Variants in ERCC1 observed in about 807,000 individuals in gnomAD.
The protein encoded by ERCC1 is DNA excision repair protein ERCC-1.
Under a neutral mutation model 37.6 loss-of-function variants are expected in ERCC1, and 36 were observed. That is an observed-to-expected ratio of 0.96 (90% confidence interval 0.73 to 1.26). The LOEUF is 1.26. Among genes scored for constraint, ERCC1 ranks in the 50% most tolerant of loss-of-function variants. The probability of loss-of-function intolerance (pLI) is 0.00; values close to 1 mark genes in which losing one functional copy is unlikely to be tolerated. For missense variants in ERCC1, 349 were observed against 376.5 expected, an observed-to-expected ratio of 0.93 and a Z score of 0.60; for synonymous variants, 156 against 162.1, an observed-to-expected ratio of 0.96 and a Z score of 0.28.
chr19:45,437,669 G>A (rs1975015476), intron 1 of ERCC1, among the ~76,000 whole-genome samples: 1 of 152,146 alleles, frequency 6.6e-6, no homozygotes, highest in Non-Finnish European at 1.5e-5. Context: ...CATAGAAACA[G>A]TATAAAGGTG....
At chr19:45,436,982 G>A (rs1189364830) in intron 1 of ERCC1, among the ~76,000 whole-genome samples, 1 of 152,138 alleles carries the variant, frequency 6.6e-6, no homozygotes, top group African/African-American at 2.4e-5. Flanking sequence ...GGGCATAGTG[G>A]CTCACGCGTG....
upstream of ERCC1, among the ~76,000 whole-genome samples, chr19:45,426,266 C>A (rs376328518): frequency 6.6e-6 from 1 of 151,332 alleles, no homozygotes. Flanking sequence ...GTAGTCCCAG[C>A]TACTCAGGAG....
chr19:45,409,491 A>AGCC lies in ERCC1; in HGVS notation c.*181_*183dup, dbSNP rs1231816534. Reference sequence around the variant, plus strand: ...AAGAAGCGGAAGCAGCAGCAGCAGCAGCCTGTGTAGTCTGCCCCCGGGAAA... The same window carrying AGCC: ...AAGAAGCGGAAGCAGCAGCAGCAGCAGCCGCCTGTGTAGTCTGCCCCCGGGAAA... On this transcript the variant is annotated 3_prime_UTR_variant, in exon 10 of 10. Transcript: ENST00000300853. 6.2e-7 allele frequency: 1 copy of AGCC among 1,607,710 alleles called. No homozygotes were observed. The highest frequency in any genetic ancestry group is 8.5e-7 in the Non-Finnish European group (1 of 1,177,728).
chr19:45,417,488 C>G (rs894942723), intron 5 of ERCC1, among the ~76,000 whole-genome samples: 3 of 152,098 alleles, frequency 2.0e-5, no homozygotes, highest in African/African-American at 7.2e-5. Context: ...ACATAAAGAA[C>G]AGCATGGGCA....
At chr19:45,448,069 G>A (rs563496442) in intron 1 of ERCC1, among the ~76,000 whole-genome samples, 3 of 152,044 alleles carry the variant, frequency 2.0e-5, no homozygotes, top group South Asian at 2.1e-4. Flanking sequence ...ACGGGGTTTC[G>A]CCATGCTGGC....
At chr19:45,426,378 CAAAAAAAA>C (rs71173164), upstream of ERCC1, among the ~76,000 whole-genome samples, 13 of 55,384 alleles carry the variant, frequency 2.3e-4, no homozygotes, top group African/African-American at 4.9e-4. Flanking sequence ...GACTCTGTCT[CAAAAAAAA>C]AAAAAAAAAA....
chr19:45,447,742 C>T (rs1397380035), intron 1 of ERCC1, among the ~76,000 whole-genome samples: 1 of 152,142 alleles, frequency 6.6e-6, no homozygotes, highest in Non-Finnish European at 1.5e-5. Context: ...TAGGACCTCA[C>T]CTATTATGTA....
At chr19:45,410,818 TTTTTGTTTTG>T (rs564016232) in intron 9 of ERCC1, 9 of 152,094 alleles carry the variant, frequency 5.9e-5, no homozygotes, top group Middle Eastern at 3.4e-3. Context: ...TCTCATGTTT[TTTTTGTTTTG>T]TTTTGTTTTG....
At position 45,421,378 on chromosome 19, in the gene ERCC1, G is replaced by T; in HGVS notation, c.121C>A (p.Arg41=). ...VPPGVAKPLF[R]STQSLPTVDT... ...ACAGTGGGAAGGCTCTGTGTAGATC[G>T]GAATAAGGGCTTGGCCTGTGGGGAG... Residue 41 remains arginine (R), a synonymous_variant, in exon 3 of 10, where the codon CGA becomes AGA. Coordinates refer to ENST00000300853, the MANE Select transcript of ERCC1 (RefSeq NM_001983.4). 6.4e-7 allele frequency: 1 copy of T among 1,572,510 alleles called. No individual in the cohort carries two copies. The highest frequency in any genetic ancestry group is 1.1e-5 in the South Asian group (1 of 89,886).
At position 45,420,842 on chromosome 19, in the gene ERCC1, C is replaced by T. The variant is rs1974373621; in HGVS notation, c.321+336G>A. ...GTCACCATATTCGCCAGACTGGTCT[C>T]GAACTCCTGACCTCAGGTGATCCAC... On this transcript the variant is annotated intron_variant, in intron 3 of 9. Coordinates refer to ENST00000300853, the MANE Select transcript of ERCC1 (RefSeq NM_001983.4). The surrounding 1 kb of genome is among the most constrained non-coding windows in gnomAD (Gnocchi z 4.8). 1.3e-5 allele frequency among the ~76,000 whole-genome samples: 2 copies of T among 152,086 alleles called. No homozygotes were observed. Among genetic ancestry groups the T allele is most frequent in the Non-Finnish European group, 1.5e-5 (1 of 68,010 alleles).
At chr19:45,438,383 C>A (rs1352875577) in intron 1 of ERCC1, among the ~76,000 whole-genome samples, 1 of 152,100 alleles carries the variant, frequency 6.6e-6, no homozygotes, top group African/African-American at 2.4e-5. Flanking sequence ...ATCTTGATGT[C>A]AATTTATTTG....
rs1974590681 is a variant in ERCC1, at chr19:45,423,795, T to G, written c.-22A>C. 5.3e-6 allele frequency: 6 copies of G among 1,124,006 alleles called. No individual in the cohort carries two copies. The highest frequency in any genetic ancestry group is 6.6e-6 in the Non-Finnish European group (6 of 911,838). 69.6% of individuals were successfully genotyped at this position (1,124,006 alleles called of 1,614,324 possible). On this transcript the variant is annotated 5_prime_UTR_variant, in exon 1 of 10. Coordinates refer to ENST00000300853, the MANE Select transcript of ERCC1 (RefSeq NM_001983.4). Reference sequence around the variant, plus strand: ...GCCTCCCGCACCTGTGGTCCGGGCCTCACGGTTTCAGCGCCGCGAGGCCTC... The same window carrying G: ...GCCTCCCGCACCTGTGGTCCGGGCCGCACGGTTTCAGCGCCGCGAGGCCTC...
chr19:45,412,374 A>T (rs1599809127), intron 9 of ERCC1, among the ~76,000 whole-genome samples: 1 of 147,360 alleles, frequency 6.8e-6, no homozygotes, highest in Non-Finnish European at 1.5e-5. Context: ...GGCCAGGCTG[A>T]TCTTGAACTC....
At chr19:45,449,428 G>A (rs762765868) in intron 1 of ERCC1, among the ~76,000 whole-genome samples, 4 of 152,196 alleles carry the variant, frequency 2.6e-5, no homozygotes, top group South Asian at 2.1e-4. Context: ...GCCAAGGCAG[G>A]AAGATTGGGT....
At chr19:45,425,082 ATTTT>A (rs35314737), upstream of ERCC1, among the ~76,000 whole-genome samples, 14,907 of 116,262 alleles carry the variant, frequency 0.13, 592 homozygotes, top group East Asian at 0.35. Context: ...TGCCCGGCTA[ATTTT>A]TTTTTTTTTT....
rs888709296 is a variant in ERCC1 at position 45,420,825 on chromosome 19, A to G, written c.321+353T>C. Among the ~76,000 whole-genome samples the G allele has an allele frequency of 1.1e-4, 16 of 152,098 alleles. No individual in the cohort carries two copies. Among genetic ancestry groups the G allele is most frequent in the African/African-American group, 3.9e-4 (16 of 41,482 alleles). On this transcript the variant is annotated intron_variant, in intron 3 of 9. Transcript: ENST00000300853. The surrounding 1 kb of genome is among the most constrained non-coding windows in gnomAD (Gnocchi z 4.8). Reference sequence around the variant, plus strand: ...TTTAGTAGAGATGGGGTGTCACCATATTCGCCAGACTGGTCTCGAACTCCT... The same window carrying G: ...TTTAGTAGAGATGGGGTGTCACCATGTTCGCCAGACTGGTCTCGAACTCCT...
rs891808539 is a variant in ERCC1, at chr19:45,407,608, G to A, written c.*2067C>T. On this transcript the variant is annotated 3_prime_UTR_variant, in exon 10 of 10. Transcript: ENST00000300853. ...TCTTAGGACATTTGGACATTCTGCA[G>A]GCTTGGTGGAACATGTTCTGTATGG... The A allele has an allele frequency of 3.8e-5, 11 of 289,028 alleles. No homozygotes were observed. The highest frequency in any genetic ancestry group is 2.1e-4 in the Admixed American group (4 of 19,320). 17.9% of individuals were successfully genotyped at this position (289,028 alleles called of 1,614,324 possible). A position where few individuals can be genotyped will look rare whatever the true frequency, so the allele number is the denominator to read the frequency against.
At chr19:45,412,592 A>C (rs779478187) in intron 9 of ERCC1, among the ~76,000 whole-genome samples, 2 of 152,052 alleles carry the variant, frequency 1.3e-5, no homozygotes, top group Admixed American at 1.3e-4. Context: ...TTGGATTATT[A>C]TATTTTATCC....
chr19:45,445,706 T>C (rs961502517), intron 1 of ERCC1, among the ~76,000 whole-genome samples: 4 of 151,946 alleles, frequency 2.6e-5, no homozygotes, highest in African/African-American at 9.7e-5. Context: ...CGGAGGCAGC[T>C]AGTGTGGGTG....
Sources: gnomAD v4.1 joint callset for allele counts (sites outside exome capture counted in the v4.1 genomes callset) on GRCh38, gnomAD v4.1.1 for gene constraint, Gnocchi (gnomAD v3.1) non-coding constraint, MANE v1.5 for transcripts, NCBI Gene and HGNC (gene_info 2026-07-23, HGNC 2026-07-21) for gene names.